RCN3: variants seen among roughly 807,000 people sequenced by gnomAD.
The protein encoded by RCN3 is reticulocalbin 3.
A neutral mutation model predicts 35.9 loss-of-function variants in RCN3; 41 were observed. The ratio of observed to expected loss-of-function variants is 1.14; its 90% CI spans 0.89 to 1.48. The LOEUF (loss-of-function observed/expected upper bound fraction) is 1.48, where lower values mean the gene tolerates loss of function less well. Ranked by LOEUF, RCN3 falls within the 40% of genes most tolerant of loss-of-function variation. The pLI is 0.00. For missense variants in RCN3, 451 were observed against 471.3 expected (o/e 0.96, Z 0.40); for synonymous variants, 187 against 193.4 (o/e 0.97, Z 0.27).
At position 49,542,771 on chromosome 19, in the gene RCN3, G is replaced by A. The variant is rs374481768; in HGVS notation, c.879+19G>A. On this transcript the variant is annotated intron_variant, in intron 6 of 6. Transcript: ENST00000270645. Reference sequence around the variant, plus strand: ...GGACAAGGTGCAGTGACGGGGCCTCGGCAGGAGCGAGGAGCGGGTGGGCAT... The same window carrying A: ...GGACAAGGTGCAGTGACGGGGCCTCAGCAGGAGCGAGGAGCGGGTGGGCAT... 1.7e-4 allele frequency: 259 copies of A among 1,563,732 alleles called. No individual in the cohort carries two copies. In the Middle Eastern group the frequency reaches 2.5e-3, roughly 15 times the overall value.
intron 3 of RCN3, among the ~76,000 whole-genome samples, chr19:49,535,140 C>T (rs547553006): frequency 7.2e-5 from 11 of 152,284 alleles, no homozygotes; most frequent in Admixed American, 1.3e-4. Flanking sequence ...ACTCCCCAGC[C>T]GGGACGTTTC....
intron 2 of RCN3, 143 bp from the exon 3 acceptor site, chr19:49,534,050 C>CCG (rs2080121891): frequency 1.2e-6 from 1 of 852,656 alleles, no homozygotes; most frequent in African/African-American, 1.8e-5. Flanking sequence ...CGAAATTGAC[C>CCG]CGCGCCCCTC....
At position 49,534,219 on chromosome 19, in the gene RCN3, CGG is replaced by C. The variant is rs1568709521; in HGVS notation, c.273_274del (p.Asp92ArgfsTer58). On this transcript the variant is annotated frameshift_variant, in exon 3 of 7. Transcript: ENST00000270645. LOFTEE classifies it high-confidence loss of function. ...CGGATCGTGGACCGCATGGACCGCG[CGG>C]GGGACGGCGACGGCTGGGTGTCGCT... 1.3e-6 allele frequency: 2 copies of C among 1,485,776 alleles called. No homozygotes were observed. Among genetic ancestry groups the C allele is most frequent in the South Asian group, 2.6e-5 (2 of 77,052 alleles). 92.0% of individuals were successfully genotyped at this position (1,485,776 alleles called of 1,614,324 possible). A position where few individuals can be genotyped will look rare whatever the true frequency, so the allele number is the denominator to read the frequency against.
chr19:49,530,786 G>T (rs995873474), intron 2 of RCN3, among the ~76,000 whole-genome samples: 4 of 152,100 alleles, frequency 2.6e-5, no homozygotes, highest in Non-Finnish European at 4.4e-5. Flanking sequence ...ATGAGCCACC[G>T]CACCCGGCTG....
rs1009127672 is a variant in RCN3 at position 49,537,157 on chromosome 19, C to G, written c.570C>G (p.Ala190=). The G allele has an allele frequency of 1.3e-6, 2 of 1,583,836 alleles. No individual in the cohort carries two copies. Among genetic ancestry groups the G allele is most frequent in the Non-Finnish European group, 1.7e-6 (2 of 1,163,852 alleles). The change falls in exon 4 of 7, where the codon GCC becomes GCG. Residue 190 remains alanine, a synonymous_variant. Transcript: ENST00000270645. ...TGGCCACTCGAGAGGAGCTGACAGC[C>G]TTCCTGCACCCCGAGGAGTTCCCTC... is the stretch of plus-strand genomic sequence containing the variant. ...DSMATREELT[A]FLHPEEFPHM...
intron 3 of RCN3, among the ~76,000 whole-genome samples, chr19:49,535,857 A>AT (rs1445081895): frequency 1.4e-5 from 2 of 141,508 alleles, no homozygotes; most frequent in African/African-American, 5.6e-5. Flanking sequence ...CTCAAAAAAA[A>AT]AAAAATATAT....
At chr19:49,529,342 G>A (rs2080097384) in intron 2 of RCN3, among the ~76,000 whole-genome samples, 1 of 152,188 alleles carries the variant, frequency 6.6e-6, no homozygotes, top group African/African-American at 2.4e-5. Context: ...GGAAAATGAG[G>A]TTTGGCCTTT....
chr19:49,528,413 C>T (rs1341500957), intron 1 of RCN3, 54 bp from the exon 2 acceptor site: 3 of 1,431,122 alleles, frequency 2.1e-6, no homozygotes, highest in Non-Finnish European at 2.8e-6. Flanking sequence ...TCTCCTATCC[C>T]GTGTCTGTCC....
At chr19:49,533,956 G>T (rs1298958305) in intron 2 of RCN3, among the ~76,000 whole-genome samples, 1 of 152,152 alleles carries the variant, frequency 6.6e-6, no homozygotes, top group East Asian at 1.9e-4. Context: ...CTCCCAGCAG[G>T]CCCGCTCGTT....
Position 49,543,483 on chromosome 19 carries a change from G to A in RCN3, c.*270G>A, listed in dbSNP as rs2080173822. 1 of 486,750 alleles carries A rather than the reference G, an allele frequency of 2.1e-6. No homozygotes were observed. Among genetic ancestry groups the A allele is most frequent in the Non-Finnish European group, 3.7e-6 (1 of 267,198 alleles). The allele number at this position is 486,750 out of a possible 1,614,324, so 30.2% of individuals were successfully genotyped here. ...CAGACCCAGGGACCCTTGGCCCCAA[G>A]CTCAGCTCTAAGAACCGCCCCAACC... On this transcript the variant is annotated 3_prime_UTR_variant, in exon 7 of 7. Coordinates refer to ENST00000270645, the MANE Select transcript of RCN3 (RefSeq NM_020650.3).
At chr19:49,532,347 C>T (rs1280763484) in intron 2 of RCN3, among the ~76,000 whole-genome samples, 7 of 151,454 alleles carry the variant, frequency 4.6e-5, no homozygotes, top group South Asian at 2.1e-4. Context: ...CCTTGTGATC[C>T]GCCCTCCTCG....
chr19:49,533,262 C>T (rs907744099), intron 2 of RCN3, among the ~76,000 whole-genome samples: 1 of 152,094 alleles, frequency 6.6e-6, no homozygotes, highest in African/African-American at 2.4e-5. Context: ...CCGCCTGGTG[C>T]GGGAGGTGGG....
chr19:49,542,787 G>A (rs751488899), intron 6 of RCN3, 35 bp downstream of exon 6: 14 of 1,541,514 alleles, frequency 9.1e-6, no homozygotes, highest in South Asian at 6.0e-5. Flanking sequence ...AGCGAGGAGC[G>A]GGTGGGCATT....
chr19:49,528,298 C>G, intron 1 of RCN3, 169 bp from the exon 2 acceptor site: 1 of 587,746 alleles, frequency 1.7e-6, no homozygotes, highest in Non-Finnish European at 2.8e-6. Flanking sequence ...TACCTCTAAG[C>G]ATCCCGCCCT....
chr19:49,529,206 A>G (rs532630754), intron 2 of RCN3, among the ~76,000 whole-genome samples: 9 of 152,186 alleles, frequency 5.9e-5, no homozygotes, highest in Non-Finnish European at 1.3e-4. Context: ...AATAAAAAAG[A>G]GGACCTTTGA....
chr19:49,532,822 C>G (rs1043798558), intron 2 of RCN3, among the ~76,000 whole-genome samples: 1 of 151,988 alleles, frequency 6.6e-6, no homozygotes, highest in South Asian at 2.1e-4. Context: ...ATTTCAGGTG[C>G]GTGCCACCAT....
At chr19:49,533,821 G>A (rs1010435967) in intron 2 of RCN3, among the ~76,000 whole-genome samples, 53 of 152,168 alleles carry the variant, frequency 3.5e-4, no homozygotes, top group African/African-American at 1.3e-3. Flanking sequence ...GGGTCACAGT[G>A]CGACGCCGCG....
intron 6 of RCN3, 138 bp downstream of exon 6, chr19:49,542,890 AAAAGAGAGGGCACGGAGCCCCAG>A: frequency 1.1e-6 from 1 of 950,092 alleles, no homozygotes; most frequent in Non-Finnish European, 1.5e-6. Context: ...GAGAGGGAGG[AAAAGAGAGGGCACGGAGCCCCAG>A]AAAGAGAGGG....
intron 1 of RCN3, 48 bp from the exon 2 acceptor site, chr19:49,528,419 T>C: frequency 6.9e-7 from 1 of 1,439,628 alleles, no homozygotes. Flanking sequence ...ATCCCGTGTC[T>C]GTCCCCATCC....
Sources: gnomAD v4.1 joint callset for allele counts (sites outside exome capture counted in the v4.1 genomes callset) on GRCh38, gnomAD v4.1.1 for gene constraint, MANE v1.5 for transcripts, NCBI Gene and HGNC (gene_info 2026-07-23, HGNC 2026-07-21) for gene names.